The following SLC24A2 variants were observed in gnomAD, a reference collection of about 807,000 sequenced individuals.
SLC24A2 encodes the protein solute carrier family 24 member 2, also known as sodium/potassium/calcium exchanger 2.
In SLC24A2, 36 loss-of-function variants were observed where a neutral mutation model predicts 62.0. The ratio of observed to expected loss-of-function variants is 0.58; its 90% CI spans 0.44 to 0.77. The LOEUF (loss-of-function observed/expected upper bound fraction) is 0.77, where lower values mean the gene tolerates loss of function less well. Among genes scored for constraint, SLC24A2 ranks in the 30% least tolerant of loss-of-function variants. The pLI, the probability that SLC24A2 is intolerant of heterozygous loss-of-function variation, is 0.00. For missense variants in SLC24A2, 846 were observed against 817.9 expected, an observed-to-expected ratio of 1.03 and a Z score of -0.42; for synonymous variants, 358 against 294.0, an observed-to-expected ratio of 1.22 and a Z score of -2.23.
chr9:19,716,374 G>A (rs953853429), intron 2 of SLC24A2, among the ~76,000 whole-genome samples: 41 of 152,134 alleles, frequency 2.7e-4, no homozygotes, highest in African/African-American at 9.9e-4. Context: ...TACTTATTGT[G>A]GGCTTACTAT....
the SLC24A2 span, chr9:19,967,849 C>A: frequency 2.1e-4 from 32 of 152,256 alleles, no homozygotes; most frequent in African/African-American, 7.7e-4. Flanking sequence ...TGGGAAAATA[C>A]AGGCATGGAA....
intron 8 of SLC24A2, among the ~76,000 whole-genome samples, chr9:19,531,959 T>A (rs554534270): frequency 2.6e-5 from 4 of 152,330 alleles, no homozygotes; most frequent in Admixed American, 1.3e-4. Context: ...AATATAGTCA[T>A]GCCCTTGTAT....
the SLC24A2 span, among the ~76,000 whole-genome samples, chr9:20,191,280 A>T: frequency 1.3e-5 from 2 of 151,878 alleles, no homozygotes; most frequent in Admixed American, 6.6e-5. Context: ...GTAAGTATGT[A>T]GTTTATATAC....
chr9:20,121,258 A>G, the SLC24A2 span, among the ~76,000 whole-genome samples: 1 of 151,728 alleles, frequency 6.6e-6, no homozygotes, highest in Non-Finnish European at 1.5e-5. Context: ...TGAACTTTGT[A>G]TAGCTGTCAT....
At chr9:20,041,523 A>G in the SLC24A2 span, among the ~76,000 whole-genome samples, 5 of 152,250 alleles carry the variant, frequency 3.3e-5, no homozygotes, top group Non-Finnish European at 7.3e-5. Context: ...CACCCAGGAC[A>G]GGGGTTTTGT....
intron 2 of SLC24A2, among the ~76,000 whole-genome samples, chr9:19,685,895 C>A (rs1327863794): frequency 6.6e-6 from 1 of 151,950 alleles, no homozygotes; most frequent in Non-Finnish European, 1.5e-5. Context: ...AAAACAAATG[C>A]AACAAAAACA....
At chr9:20,307,485 A>G in the SLC24A2 span, among the ~76,000 whole-genome samples, 1 of 152,310 alleles carries the variant, frequency 6.6e-6, no homozygotes, top group East Asian at 1.9e-4. Flanking sequence ...CAACCCTCTA[A>G]TATAACCAGA....
At chr9:20,232,137 C>A in the SLC24A2 span, among the ~76,000 whole-genome samples, 1 of 152,122 alleles carries the variant, frequency 6.6e-6, no homozygotes, top group Non-Finnish European at 1.5e-5. Flanking sequence ...TTTGGTTTTC[C>A]AGTATTTTAT....
the SLC24A2 span, among the ~76,000 whole-genome samples, chr9:19,976,695 T>C: frequency 6.6e-6 from 1 of 152,216 alleles, no homozygotes; most frequent in Non-Finnish European, 1.5e-5. Context: ...TATATGCAAA[T>C]AGTCCACCAT....
chr9:20,181,951 T>C, the SLC24A2 span, among the ~76,000 whole-genome samples: 8 of 152,064 alleles, frequency 5.3e-5, no homozygotes, highest in East Asian at 1.5e-3. Context: ...AAAAACCCCA[T>C]TGAAAAGTGG....
the SLC24A2 span, among the ~76,000 whole-genome samples, chr9:19,923,286 A>G: frequency 2.0e-5 from 3 of 152,174 alleles, no homozygotes; most frequent in Non-Finnish European, 4.4e-5. Flanking sequence ...TCATATTTTA[A>G]TGTTTCCTTT....
rs1823195390 is a variant in SLC24A2 at position 19,786,993 on chromosome 9, C to A, written c.-127G>T. The A allele has an allele frequency of 1.4e-6, 2 of 1,440,446 alleles. No individual in the cohort carries two copies. The highest frequency in any genetic ancestry group is 1.8e-6 in the Non-Finnish European group (2 of 1,100,648). The allele number at this position is 1,440,446 out of a possible 1,614,324, so 89.2% of individuals were successfully genotyped here. ...ACTTTCACAATCAGGGATTGTTATG[C>A]TTCACAGGAAACTTTCATCATTTAT... is the stretch of plus-strand genomic sequence containing the variant. On this transcript the variant is annotated 5_prime_UTR_variant, in exon 2 of 11. Transcript: ENST00000341998. This position sits in a 1 kb window ranked among gnomAD's most constrained non-coding sequence, Gnocchi z 5.0.
the SLC24A2 span, among the ~76,000 whole-genome samples, chr9:20,206,454 A>G: frequency 6.6e-6 from 1 of 152,150 alleles, no homozygotes; most frequent in Non-Finnish European, 1.5e-5. Flanking sequence ...ATTTTCCCAA[A>G]AAAAGTTACA....
At chr9:19,526,240 T>A (rs1187755537) in intron 9 of SLC24A2, among the ~76,000 whole-genome samples, 1 of 152,260 alleles carries the variant, frequency 6.6e-6, no homozygotes, top group African/African-American at 2.4e-5. Flanking sequence ...ATTTTGCTTA[T>A]CCATTCATCA....
At chr9:19,835,680 T>C in the SLC24A2 span, among the ~76,000 whole-genome samples, 1 of 152,118 alleles carries the variant, frequency 6.6e-6, no homozygotes, top group Non-Finnish European at 1.5e-5. Flanking sequence ...GACAGAAAGT[T>C]AACAAGGATA....
intron 2 of SLC24A2, among the ~76,000 whole-genome samples, chr9:19,671,381 T>C (rs1379735388): frequency 5.9e-5 from 9 of 152,182 alleles, no homozygotes; most frequent in Non-Finnish European, 1.0e-4. Context: ...ATAGCAGAAC[T>C]ACTCATTTGT....
In SLC24A2 at chr9:19,762,038, A is replaced by T. The variant is rs577805306; in HGVS notation, c.930+23899T>A. On this transcript the variant is annotated intron_variant, in intron 2 of 10. Transcript: ENST00000341998. The stretch of plus-strand genomic sequence containing the variant: ...GGTCAAATGGTATTTCTAGTTCTAG[A>T]TCCCTGAGGAATCGACACACTGACT... 2.0e-5 allele frequency among the ~76,000 whole-genome samples: 3 copies of T among 152,246 alleles called. No individual in the cohort carries two copies. In the East Asian group the frequency reaches 5.8e-4, roughly 29 times the overall value.
At chr9:19,722,596 A>C (rs892987652) in intron 2 of SLC24A2, among the ~76,000 whole-genome samples, 1 of 152,086 alleles carries the variant, frequency 6.6e-6, no homozygotes, top group Non-Finnish European at 1.5e-5. Flanking sequence ...TAATGTTACA[A>C]GATGCCCATT....
At chr9:19,787,538 A>G (rs1294885365) in intron 1 of SLC24A2, among the ~76,000 whole-genome samples, 1 of 152,212 alleles carries the variant, frequency 6.6e-6, no homozygotes, top group African/African-American at 2.4e-5. Flanking sequence ...TTGGAAAGTG[A>G]GTGATTCTTT....
Sources: gnomAD v4.1 joint callset for allele counts (sites outside exome capture counted in the v4.1 genomes callset) on GRCh38, gnomAD v4.1.1 for gene constraint, Gnocchi (gnomAD v3.1) non-coding constraint, MANE v1.5 for transcripts, NCBI Gene and HGNC (gene_info 2026-07-23, HGNC 2026-07-21) for gene names.